Variants in NGLY1 observed in about 807,000 individuals in gnomAD.
NGLY1 encodes the protein peptide-N(4)-(N-acetyl-beta-glucosaminyl)asparagine amidase.
A neutral mutation model predicts 84.6 loss-of-function variants in NGLY1; 68 were observed. That is an observed-to-expected ratio of 0.80 (90% CI 0.66 to 0.98). The LOEUF is 0.98. NGLY1 is among the 50% of genes least tolerant of loss of function. NGLY1 has a pLI of 0.00. For synonymous variants in NGLY1, 280 were observed against 275.2 expected (o/e 1.02, Z -0.17); for missense variants, 779 against 770.2 (o/e 1.01, Z -0.14).
At chr3:25,760,592 G>T (rs1282499053) in intron 3 of NGLY1, among the ~76,000 whole-genome samples, 1 of 152,072 alleles carries the variant, frequency 6.6e-6, no homozygotes, top group African/African-American at 2.4e-5. Flanking sequence ...CGGGCACGGT[G>T]GCTCACGCCT....
intron 3 of NGLY1, 42 bp from the exon 4 acceptor site, chr3:25,751,305 T>C (rs1161275163): frequency 2.8e-6 from 4 of 1,433,828 alleles, no homozygotes; most frequent in Non-Finnish European, 3.7e-6. Flanking sequence ...TTTCACCATA[T>C]GCTACAAAAA....
intron 3 of NGLY1, among the ~76,000 whole-genome samples, chr3:25,762,998 G>A (rs1575648831): frequency 6.6e-6 from 1 of 152,166 alleles, no homozygotes; most frequent in East Asian, 1.9e-4. Context: ...GATGGTGCAT[G>A]CCTTTATTTC....
chr3:25,729,032 G>T, intron 10 of NGLY1, 101 bp downstream of exon 10: 1 of 746,066 alleles, frequency 1.3e-6, no homozygotes, highest in Non-Finnish European at 1.9e-6. Flanking sequence ...AAATAAGTTT[G>T]ATATATCAGT....
At position 25,750,944 on chromosome 3, in the gene NGLY1, C is replaced by G. The variant is rs377534773; in HGVS notation, c.658+154G>C. 5.3e-5 allele frequency among the ~76,000 whole-genome samples: 8 copies of G among 152,120 alleles called. No individual in the cohort carries two copies. The East Asian group carries it at 1.2e-3, about 22-fold the overall frequency. ...GACCCTCCGTATATGGGTTTTGCAT[C>G]CTGTGAATCCACGTTTGGTTTAAAA... is the stretch of plus-strand genomic sequence containing the variant. On this transcript the variant is annotated intron_variant, in intron 4 of 11. Transcript: ENST00000280700.
chr3:25,740,603 T>C (rs1370285164), intron 4 of NGLY1, among the ~76,000 whole-genome samples: 1 of 152,008 alleles, frequency 6.6e-6, no homozygotes, highest in South Asian at 2.1e-4. Context: ...CTAATAAAGC[T>C]TGATGTTGGT....
In NGLY1 at chr3:25,745,923, T is replaced by C. The variant is rs368392219; in HGVS notation, c.658+5175A>G. 7.9e-5 allele frequency among the ~76,000 whole-genome samples: 12 copies of C among 152,376 alleles called. No homozygotes were observed. In the East Asian group the frequency reaches 1.2e-3, roughly 15 times the overall value. On this transcript the variant is annotated intron_variant, in intron 4 of 11. Transcript: ENST00000280700. Reference sequence around the variant, plus strand: ...AACATTTCTGCTGTATGTTCAATTATAGTCACAATATAACATTAGTCTTTC... The same window carrying C: ...AACATTTCTGCTGTATGTTCAATTACAGTCACAATATAACATTAGTCTTTC...
intron 3 of NGLY1, among the ~76,000 whole-genome samples, chr3:25,752,778 C>CT: frequency 6.6e-6 from 1 of 152,012 alleles, no homozygotes; most frequent in South Asian, 2.1e-4. Context: ...TGCCCTACTG[C>CT]ACCCAGCCTG....
intron 2 of NGLY1, among the ~76,000 whole-genome samples, chr3:25,777,395 C>CAAAAAAAAAA (rs11332980): frequency 1.1e-5 from 1 of 87,474 alleles, no homozygotes; most frequent in Non-Finnish European, 2.2e-5. Context: ...AACTCCATCT[C>CAAAAAAAAAA]AAAAAAAAAA....
intron 5 of NGLY1, among the ~76,000 whole-genome samples, chr3:25,738,648 G>T (rs1301464706): frequency 6.6e-6 from 1 of 150,908 alleles, no homozygotes; most frequent in East Asian, 1.9e-4. Context: ...TTGAGACAAA[G>T]TCTCAAGTCT....
chr3:25,749,996 A>C (rs1038930656), intron 4 of NGLY1: 10 of 560,554 alleles, frequency 1.8e-5, no homozygotes, highest in Non-Finnish European at 3.1e-5. Context: ...ACCTAGATGT[A>C]CCAGTTTGTT....
chr3:25,768,664 G>A (rs1707738976), intron 2 of NGLY1, among the ~76,000 whole-genome samples: 1 of 147,232 alleles, frequency 6.8e-6, no homozygotes, highest in Non-Finnish European at 1.5e-5. Context: ...TCCTGCCTCA[G>A]CCTCCCAAGT....
At chr3:25,757,376 C>T (rs1707094467) in intron 3 of NGLY1, among the ~76,000 whole-genome samples, 1 of 152,156 alleles carries the variant, frequency 6.6e-6, no homozygotes, top group Non-Finnish European at 1.5e-5. Flanking sequence ...TAGCTTTGCT[C>T]TCAATAGTAG....
intron 3 of NGLY1, chr3:25,755,183 C>G: frequency 7.7e-7 from 1 of 1,293,920 alleles, no homozygotes. Context: ...CTCTCTTCCC[C>G]CAAGAGGTTT....
chr3:25,738,652 CAA>C (rs1319183795), intron 5 of NGLY1, among the ~76,000 whole-genome samples: 1 of 150,826 alleles, frequency 6.6e-6, no homozygotes, highest in African/African-American at 2.4e-5. Flanking sequence ...GACAAAGTCT[CAA>C]GTCTCACTCT....
At chr3:25,723,445 C>A (rs962269193) in intron 10 of NGLY1, among the ~76,000 whole-genome samples, 2 of 152,018 alleles carry the variant, frequency 1.3e-5, no homozygotes, top group Non-Finnish European at 2.9e-5. Flanking sequence ...TTCCTATCAT[C>A]TTTTTTTGCA....
At chr3:25,724,282 C>T (rs1705147230) in intron 10 of NGLY1, among the ~76,000 whole-genome samples, 1 of 152,128 alleles carries the variant, frequency 6.6e-6, no homozygotes, top group Non-Finnish European at 1.5e-5. Flanking sequence ...AAGTTCAGTT[C>T]ACCATACAGC....
chr3:25,742,621 C>CA, intron 4 of NGLY1, among the ~76,000 whole-genome samples: 1 of 152,056 alleles, frequency 6.6e-6, no homozygotes, highest in Non-Finnish European at 1.5e-5. Context: ...ACATTAAAAA[C>CA]AAAGTTTTAG....
intron 4 of NGLY1, among the ~76,000 whole-genome samples, chr3:25,743,369 G>T (rs1219579517): frequency 2.0e-5 from 3 of 152,124 alleles, no homozygotes; most frequent in Non-Finnish European, 4.4e-5. Context: ...ACTGGCTACA[G>T]CCACCATGCT....
intron 3 of NGLY1, chr3:25,755,188 A>G: frequency 7.6e-7 from 1 of 1,314,616 alleles, no homozygotes; most frequent in Non-Finnish European, 1.1e-6. Flanking sequence ...TTCCCCCAAG[A>G]GGTTTCTTAC....
Sources: allele counts gnomAD v4.1 joint callset (sites outside exome capture counted in the v4.1 genomes callset), GRCh38; gene constraint gnomAD v4.1.1; transcripts MANE v1.5; gene names NCBI Gene and HGNC (gene_info 2026-07-23, HGNC 2026-07-21).